Variants in CPED1 observed in about 807,000 individuals in gnomAD.
The protein encoded by CPED1 is cadherin-like and PC-esterase domain-containing protein 1.
CPED1 carries 114 observed loss-of-function variants against 128.2 expected under a neutral mutation model. The observed-to-expected ratio is 0.89, with a 90% CI of 0.76 to 1.04. CPED1 has a LOEUF of 1.04. Among genes scored for constraint, CPED1 ranks in the 50% least tolerant of loss-of-function variants. The probability of loss-of-function intolerance (pLI) is 0.00; values close to 1 mark genes in which losing one functional copy is unlikely to be tolerated. For synonymous variants in CPED1, 462 were observed against 426.7 expected (o/e 1.08, Z -1.02); for missense variants, 1,211 against 1,207.1 (o/e 1.00, Z -0.05).
chr7:121,077,025 C>T (rs1794143242), intron 5 of CPED1, among the ~76,000 whole-genome samples: 2 of 151,938 alleles, frequency 1.3e-5, no homozygotes, highest in Admixed American at 6.6e-5. Flanking sequence ...TCCTCTTTGC[C>T]CTTTATTTTC....
At chr7:121,030,031 T>C (rs1381685368) in intron 3 of CPED1, among the ~76,000 whole-genome samples, 1 of 152,154 alleles carries the variant, frequency 6.6e-6, no homozygotes, top group African/African-American at 2.4e-5. Flanking sequence ...GGTGGAATAG[T>C]CAATCAAATA....
chr7:121,255,968 A>C (rs1021197481), intron 18 of CPED1, among the ~76,000 whole-genome samples: 20 of 152,122 alleles, frequency 1.3e-4, no homozygotes, highest in African/African-American at 4.8e-4. Flanking sequence ...AATATTGTTA[A>C]AATGGCCATA....
At chr7:121,130,980 C>T (rs1226290036) in intron 12 of CPED1, among the ~76,000 whole-genome samples, 1 of 151,988 alleles carries the variant, frequency 6.6e-6, no homozygotes, top group African/African-American at 2.4e-5. Flanking sequence ...TTCTGCTTCT[C>T]TTTTATATGG....
chr7:121,287,235 C>T (rs1239569463), intron 22 of CPED1, among the ~76,000 whole-genome samples: 2 of 152,068 alleles, frequency 1.3e-5, no homozygotes, highest in Admixed American at 1.3e-4. Context: ...ATCAGTGCCA[C>T]CCTTTTATAC....
chr7:121,094,771 A>G (rs1006474613), intron 5 of CPED1, among the ~76,000 whole-genome samples: 3 of 152,194 alleles, frequency 2.0e-5, no homozygotes, highest in African/African-American at 4.8e-5. Flanking sequence ...CTTTTTCCCC[A>G]TAAGCAGGCG....
chr7:121,252,246 A>G (rs1384516217), intron 18 of CPED1, among the ~76,000 whole-genome samples: 1 of 151,826 alleles, frequency 6.6e-6, no homozygotes, highest in Non-Finnish European at 1.5e-5. Flanking sequence ...GATACTGGGA[A>G]AACTGGCTAG....
chr7:121,000,476 C>T (rs951774905), intron 2 of CPED1, among the ~76,000 whole-genome samples: 10 of 152,162 alleles, frequency 6.6e-5, no homozygotes, highest in Middle Eastern at 3.4e-3. Flanking sequence ...GGGGTATTTA[C>T]GATCCAAAAT....
chr7:121,223,659 G>T (rs1021767579), intron 16 of CPED1, among the ~76,000 whole-genome samples: 1 of 152,068 alleles, frequency 6.6e-6, no homozygotes, highest in East Asian at 1.9e-4. Context: ...TCTATTCAGA[G>T]ATTCTACTTT....
chr7:121,172,307 C>G (rs180806855), intron 16 of CPED1, among the ~76,000 whole-genome samples: 2 of 151,462 alleles, frequency 1.3e-5, no homozygotes, highest in Admixed American at 1.3e-4. Flanking sequence ...GTTTACAATG[C>G]GAAGCAGATT....
chr7:121,135,119 T>G (rs1447319741), intron 13 of CPED1, among the ~76,000 whole-genome samples: 8 of 152,056 alleles, frequency 5.3e-5, no homozygotes, highest in Non-Finnish European at 8.8e-5. Flanking sequence ...TACCTCACCG[T>G]GAAGCTCAGG....
At chr7:121,126,718 C>G (rs1203132703) in intron 9 of CPED1, among the ~76,000 whole-genome samples, 1 of 151,924 alleles carries the variant, frequency 6.6e-6, no homozygotes, top group Non-Finnish European at 1.5e-5. Context: ...CTTTTAAATA[C>G]TCATTTTTTC....
intron 16 of CPED1, among the ~76,000 whole-genome samples, chr7:121,220,377 C>T (rs1273815298): frequency 6.6e-6 from 1 of 152,000 alleles, no homozygotes. Context: ...ATTTGCTTAA[C>T]TCACTCTTAT....
In CPED1 at chr7:120,989,844, T is replaced by C. The variant is rs1255261041; in HGVS notation, c.223T>C (p.Ser75Pro). The change falls in exon 2 of 23, where the codon TCT (serine) becomes CCT (proline). Residue 75 changes from serine (S) to proline (P), a missense_variant. Coordinates refer to ENST00000310396, the MANE Select transcript of CPED1 (RefSeq NM_024913.5). ...FSQDKQCFLL[S>P]GNAQETRKVK... ...TCAGGACAAACAGTGCTTCCTTCTC[T>C]CTGGTAATGCCCAGGAAACCAGAAA... The C allele has an allele frequency of 6.2e-7, 1 of 1,614,140 alleles. No individual in the cohort carries two copies. Among genetic ancestry groups the C allele is most frequent in the Non-Finnish European group, 8.5e-7 (1 of 1,180,034 alleles).
At chr7:121,072,891 T>G (rs1221316615) in intron 5 of CPED1, among the ~76,000 whole-genome samples, 1 of 152,142 alleles carries the variant, frequency 6.6e-6, no homozygotes, top group East Asian at 1.9e-4. Context: ...ATCTTCAGAG[T>G]GAAGTCTACC....
chr7:121,168,472 T>C (rs1796582775), intron 16 of CPED1, among the ~76,000 whole-genome samples: 1 of 152,190 alleles, frequency 6.6e-6, no homozygotes, highest in South Asian at 2.1e-4. Context: ...GTTGTGGGTA[T>C]GTAGTAGGTG....
intron 16 of CPED1, among the ~76,000 whole-genome samples, chr7:121,169,000 C>T (rs987981213): frequency 1.3e-5 from 2 of 152,188 alleles, no homozygotes; most frequent in African/African-American, 4.8e-5. Flanking sequence ...TGGCTGATAA[C>T]AGGAACCTAA....
At chr7:121,072,195 A>AC (rs1238873029) in intron 5 of CPED1, among the ~76,000 whole-genome samples, 4 of 151,724 alleles carry the variant, frequency 2.6e-5, no homozygotes, top group South Asian at 2.1e-4. Context: ...CAAAAAAAAA[A>AC]AAAAACATGG....
At chr7:121,231,624 T>C (rs1055698152) in intron 16 of CPED1, among the ~76,000 whole-genome samples, 1 of 152,018 alleles carries the variant, frequency 6.6e-6, no homozygotes, top group African/African-American at 2.4e-5. Flanking sequence ...TGGATGGAGA[T>C]AGATTGGATT....
intron 4 of CPED1, among the ~76,000 whole-genome samples, chr7:121,052,340 T>C (rs907332044): frequency 5.3e-5 from 8 of 152,182 alleles, no homozygotes; most frequent in African/African-American, 1.9e-4. Flanking sequence ...AAACATACGG[T>C]TGGCACCTGG....
Sources: gnomAD v4.1 joint callset for allele counts (sites outside exome capture counted in the v4.1 genomes callset) on GRCh38, gnomAD v4.1.1 for gene constraint, MANE v1.5 for transcripts, NCBI Gene and HGNC (gene_info 2026-07-23, HGNC 2026-07-21) for gene names.